The following GREM2 variants were observed in gnomAD, a reference collection of about 807,000 sequenced individuals.
GREM2 encodes gremlin-2.
GREM2 carries 11 observed loss-of-function variants against 14.2 expected under a neutral mutation model. The observed-to-expected ratio is 0.78, with a 90% CI of 0.49 to 1.28. GREM2 has a LOEUF of 1.28. Among genes scored for constraint, GREM2 ranks in the 50% most tolerant of loss-of-function variants. The pLI is 0.00. For synonymous variants in GREM2, 98 were observed against 97.6 expected (o/e 1.00, Z -0.02); for missense variants, 210 against 218.5 (o/e 0.96, Z 0.24).
chr1:240,556,197 G>A (rs909052571), intron 1 of GREM2, among the ~76,000 whole-genome samples: 5 of 152,156 alleles, frequency 3.3e-5, no homozygotes, highest in African/African-American at 1.2e-4. Context: ...AGTTAAAAGG[G>A]AGGCCATGTG....
At position 240,606,780 on chromosome 1, in the gene GREM2, G is replaced by A. The variant is rs545481538; in HGVS notation, c.-2+5104C>T. ...TGCAACCTCCACCTCCCAGGTTCAA[G>A]CCATTCTCCTGCCACAGCCTCCCAA... On this transcript the variant is annotated intron_variant, in intron 1 of 1. Transcript: ENST00000318160. Among the ~76,000 whole-genome samples the A allele has an allele frequency of 5.3e-5, 8 of 151,058 alleles. No homozygotes were observed. The South Asian group carries it at 1.7e-3, about 32-fold the overall frequency.
At chr1:240,605,571 C>G (rs1680009936) in intron 1 of GREM2, among the ~76,000 whole-genome samples, 1 of 152,000 alleles carries the variant, frequency 6.6e-6, no homozygotes, top group African/African-American at 2.4e-5. Context: ...CTCTGAAAAC[C>G]ACATAGAACA....
At chr1:240,604,212 C>T (rs570378223) in intron 1 of GREM2, among the ~76,000 whole-genome samples, 6 of 151,970 alleles carry the variant, frequency 3.9e-5, no homozygotes, top group South Asian at 4.2e-4. Context: ...AAAACACCTC[C>T]CACCAGGCCC....
intron 1 of GREM2, among the ~76,000 whole-genome samples, chr1:240,557,347 T>C (rs1010698511): frequency 3.9e-5 from 6 of 152,184 alleles, no homozygotes; most frequent in African/African-American, 1.2e-4. Context: ...GACAGTAAAC[T>C]GAAATACATT....
chr1:240,497,591 G>A (rs1356233837), intron 1 of GREM2, among the ~76,000 whole-genome samples: 5 of 150,036 alleles, frequency 3.3e-5, no homozygotes, highest in Non-Finnish European at 7.4e-5. Context: ...TGGTACTGTC[G>A]ATGACGCTGG....
chr1:240,513,088 G>A (rs927675211), intron 1 of GREM2, among the ~76,000 whole-genome samples: 2 of 152,144 alleles, frequency 1.3e-5, no homozygotes, highest in African/African-American at 4.8e-5. Context: ...TTCTATGAAG[G>A]ACATAAAAAG....
chr1:240,590,382 G>A (rs1197540516), intron 1 of GREM2, among the ~76,000 whole-genome samples: 1 of 151,150 alleles, frequency 6.6e-6, no homozygotes, highest in Non-Finnish European at 1.5e-5. Flanking sequence ...AAAATATCTG[G>A]TCCTGCTCTT....
intron 1 of GREM2, among the ~76,000 whole-genome samples, chr1:240,599,538 G>A (rs1679880471): frequency 6.6e-6 from 1 of 152,190 alleles, no homozygotes; most frequent in Non-Finnish European, 1.5e-5. Flanking sequence ...CCGGTCCAGA[G>A]GCTGCATTTG....
intron 1 of GREM2, among the ~76,000 whole-genome samples, chr1:240,602,801 G>A (rs1571953656): frequency 7.3e-6 from 1 of 137,394 alleles, no homozygotes; most frequent in East Asian, 2.3e-4. Flanking sequence ...GTGACAGAGC[G>A]AGACTGATCT....
intron 1 of GREM2, among the ~76,000 whole-genome samples, chr1:240,522,062 G>T (rs1484641535): frequency 6.7e-6 from 1 of 149,174 alleles, no homozygotes; most frequent in Non-Finnish European, 1.5e-5. Context: ...TGAGGTTTCA[G>T]TGAGCCATGA....
intron 1 of GREM2, among the ~76,000 whole-genome samples, chr1:240,555,150 AAAAGAAAG>A (rs139334582): frequency 2.1e-4 from 31 of 150,738 alleles, no homozygotes; most frequent in East Asian, 3.9e-4. Flanking sequence ...CATCTCAAAA[AAAAGAAAG>A]AAAGAAAGAA....
intron 1 of GREM2, among the ~76,000 whole-genome samples, chr1:240,551,238 G>A (rs1349981496): frequency 1.3e-5 from 2 of 152,206 alleles, no homozygotes; most frequent in Non-Finnish European, 2.9e-5. Context: ...TGGAATGACT[G>A]TGGATCTCAA....
intron 1 of GREM2, among the ~76,000 whole-genome samples, chr1:240,572,041 A>G (rs931297876): frequency 6.6e-6 from 1 of 152,128 alleles, no homozygotes; most frequent in Non-Finnish European, 1.5e-5. Flanking sequence ...CCTCATGAGG[A>G]TTTTGGCACC....
intron 1 of GREM2, among the ~76,000 whole-genome samples, chr1:240,608,322 C>T (rs920337574): frequency 2.8e-4 from 43 of 152,126 alleles, no homozygotes; most frequent in African/African-American, 9.9e-4. Flanking sequence ...GATTTAAATT[C>T]CTAGCAAAGG....
At chr1:240,601,677 C>G (rs765193701) in intron 1 of GREM2, among the ~76,000 whole-genome samples, 1 of 152,098 alleles carries the variant, frequency 6.6e-6, no homozygotes, top group Non-Finnish European at 1.5e-5. Flanking sequence ...GAGGCCGAGG[C>G]GGGCATCTCT....
At chr1:240,563,129 A>G (rs559692601) in intron 1 of GREM2, among the ~76,000 whole-genome samples, 6 of 126,274 alleles carry the variant, frequency 4.8e-5, no homozygotes, top group South Asian at 2.6e-4. Flanking sequence ...GTGAGTGTGT[A>G]TGTGTATGTG....
intron 1 of GREM2, among the ~76,000 whole-genome samples, chr1:240,574,445 G>C (rs532528792): frequency 1.3e-5 from 2 of 152,260 alleles, no homozygotes; most frequent in South Asian, 4.1e-4. Flanking sequence ...ATGAAGTTCT[G>C]AGACATGGGT....
intron 1 of GREM2, among the ~76,000 whole-genome samples, chr1:240,537,777 CTG>C (rs1678505080): frequency 7.4e-6 from 1 of 135,320 alleles, no homozygotes; most frequent in Admixed American, 7.5e-5. Flanking sequence ...TGGCAAGGCT[CTG>C]TCTCAAAAAC....
intron 1 of GREM2, among the ~76,000 whole-genome samples, chr1:240,546,266 G>C (rs940982267): frequency 2.6e-5 from 4 of 152,046 alleles, no homozygotes; most frequent in African/African-American, 9.7e-5. Context: ...TTAAACCTGG[G>C]AGGCAGAGGT....
Sources: allele counts gnomAD v4.1 joint callset (sites outside exome capture counted in the v4.1 genomes callset), GRCh38; gene constraint gnomAD v4.1.1; transcripts MANE v1.5; gene names NCBI Gene and HGNC (gene_info 2026-07-23, HGNC 2026-07-21).